The following TNIK variants were observed in gnomAD, a reference collection of about 807,000 sequenced individuals.
TNIK encodes TRAF2 and NCK-interacting protein kinase.
A neutral mutation model predicts 191.3 loss-of-function variants in TNIK; 49 were observed. That is an observed-to-expected ratio of 0.26 (90% CI 0.20 to 0.32). The LOEUF (loss-of-function observed/expected upper bound fraction) is 0.32, where lower values mean the gene tolerates loss of function less well. Ranked by LOEUF, TNIK falls within the 10% of genes least tolerant of loss-of-function variation. TNIK has a pLI of 1.00. For missense variants in TNIK, 1,155 were observed against 1,702.3 expected, an observed-to-expected ratio of 0.68 and a Z score of 5.66; for synonymous variants, 594 against 600.9, an observed-to-expected ratio of 0.99 and a Z score of 0.17.
intron 7 of TNIK, among the ~76,000 whole-genome samples, chr3:171,183,714 A>G (rs921513783): frequency 1.3e-5 from 2 of 152,144 alleles, no homozygotes; most frequent in Admixed American, 6.5e-5. Flanking sequence ...CGAGGTCAGG[A>G]GATCAAGACC....
At chr3:171,188,329 C>A (rs1043893103) in intron 7 of TNIK, among the ~76,000 whole-genome samples, 2 of 152,110 alleles carry the variant, frequency 1.3e-5, no homozygotes, top group Admixed American at 6.5e-5. Flanking sequence ...TGACCCAAGA[C>A]AACAAACTCA....
At position 171,063,699 on chromosome 3, in the gene TNIK, C is replaced by T. The variant is rs897788373; in HGVS notation, c.*182G>A. 3.8e-6 allele frequency: 2 copies of T among 531,974 alleles called. No homozygotes were observed. The highest frequency in any genetic ancestry group is 3.9e-5 in the African/African-American group (2 of 50,638). The allele number at this position is 531,974 out of a possible 1,614,324, so 33.0% of individuals were successfully genotyped here. A position where few individuals can be genotyped will look rare whatever the true frequency, so the allele number is the denominator to read the frequency against. ...TCCTGCCACCTTTTTCTCTCCTTCT[C>T]AACCAGGCTGCAACATTGAAAGATG... On this transcript the variant is annotated 3_prime_UTR_variant, in exon 33 of 33. Coordinates refer to ENST00000436636, the MANE Select transcript of TNIK (RefSeq NM_015028.4).
At chr3:171,245,103 A>G (rs545481971) in intron 2 of TNIK, among the ~76,000 whole-genome samples, 14 of 152,330 alleles carry the variant, frequency 9.2e-5, no homozygotes, top group African/African-American at 3.4e-4. Flanking sequence ...GACTGAATAA[A>G]GGATGCAGTA....
intron 21 of TNIK, chr3:171,106,703 GC>G (rs771851854): frequency 2.1e-5 from 11 of 534,180 alleles, no homozygotes; most frequent in Middle Eastern, 3.2e-4. Flanking sequence ...ATTAACTAAA[GC>G]TGATGTTGCT....
intron 18 of TNIK, among the ~76,000 whole-genome samples, chr3:171,120,010 T>C (rs962613503): frequency 5.9e-5 from 9 of 151,828 alleles, no homozygotes; most frequent in Non-Finnish European, 7.4e-5. Context: ...AGTGGAAGAG[T>C]GACATAATAG....
At chr3:171,336,940 T>C (rs1259431780) in intron 2 of TNIK, among the ~76,000 whole-genome samples, 2 of 152,142 alleles carry the variant, frequency 1.3e-5, no homozygotes, top group Non-Finnish European at 2.9e-5. Flanking sequence ...GGAATCCTAG[T>C]GGGGATGAGA....
chr3:171,068,944 T>C lies in TNIK; in HGVS notation c.3603A>G (p.Glu1201=), dbSNP rs376014834. The C allele has an allele frequency of 1.4e-5, 22 of 1,613,862 alleles. No individual in the cohort carries two copies. The highest frequency in any genetic ancestry group is 1.7e-4 in the Middle Eastern group (1 of 6,060). The part of the protein sequence containing the change: ...KPLLVDLTVE[E]GQRLKVIFGS... Reference sequence around the variant, plus strand: ...CAAAAATAACCTTTAATCTTTGACCTTCTTCTACCGTGAGATCAACTAGCA... The same window carrying C: ...CAAAAATAACCTTTAATCTTTGACCCTCTTCTACCGTGAGATCAACTAGCA... The change falls in exon 30 of 33, where the codon GAA becomes GAG. Residue 1201 remains glutamate (E), a synonymous_variant. Transcript: ENST00000436636.
At chr3:171,200,508 G>A (rs540861786) in intron 4 of TNIK, among the ~76,000 whole-genome samples, 3 of 151,916 alleles carry the variant, frequency 2.0e-5, no homozygotes, top group Admixed American at 2.0e-4. Context: ...CATGTTTCTC[G>A]TAGGATGTTT....
intron 4 of TNIK, among the ~76,000 whole-genome samples, chr3:171,199,430 T>C (rs1242644484): frequency 6.6e-6 from 1 of 152,206 alleles, no homozygotes; most frequent in East Asian, 1.9e-4. Context: ...AAATTCTCCC[T>C]GAAAGAAAGT....
intron 3 of TNIK, among the ~76,000 whole-genome samples, chr3:171,218,434 CAT>C (rs1560277303): frequency 1.3e-5 from 2 of 151,954 alleles, no homozygotes. Context: ...TAATGTCACT[CAT>C]GTGGCTAAAG....
rs1734717482 is a variant in TNIK at position 171,167,129 on chromosome 3, A to G, written c.915T>C (p.His305=). Residue 305 remains histidine, a synonymous_variant, in exon 10 of 33, where the codon CAT becomes CAC. Coordinates refer to ENST00000436636, the MANE Select transcript of TNIK (RefSeq NM_015028.4). ...ERQVRIQLKD[H]IDRTKKKRGE... The stretch of plus-strand genomic sequence containing the variant: ...CTCGCTTCTTCTTTGTTCTATCAAT[A>G]TGGTCCTTGAGTTGAATGCGGACCT... 1.2e-6 allele frequency: 2 copies of G among 1,613,622 alleles called. No homozygotes were observed. The highest frequency in any genetic ancestry group is 1.7e-6 in the Non-Finnish European group (2 of 1,179,740).
chr3:171,199,782 T>G (rs955370336), intron 4 of TNIK, among the ~76,000 whole-genome samples: 5 of 152,224 alleles, frequency 3.3e-5, no homozygotes, highest in African/African-American at 1.2e-4. Context: ...AGGTTTGATG[T>G]GAACATTAAT....
chr3:171,356,303 A>G (rs1302398394), intron 2 of TNIK, among the ~76,000 whole-genome samples: 3 of 152,130 alleles, frequency 2.0e-5, no homozygotes, highest in South Asian at 4.1e-4. Flanking sequence ...ACACAGATGT[A>G]TTTTATATTG....
At chr3:171,165,222 G>A (rs976310770) in intron 10 of TNIK, among the ~76,000 whole-genome samples, 4 of 151,932 alleles carry the variant, frequency 2.6e-5, no homozygotes, top group Admixed American at 2.0e-4. Context: ...ACTTGAGCCC[G>A]GGAGATAGAG....
chr3:171,377,470 G>A (rs192903667), intron 1 of TNIK, among the ~76,000 whole-genome samples: 3 of 152,250 alleles, frequency 2.0e-5, no homozygotes, highest in Admixed American at 6.5e-5. Flanking sequence ...ATCACTCCTC[G>A]GATTAATCAC....
Position 171,059,866 on chromosome 3 carries a change from G to C in TNIK, c.*4015C>G, listed in dbSNP as rs902820011. Among the ~76,000 whole-genome samples, 1 of 152,180 alleles carries C rather than the reference G, an allele frequency of 6.6e-6. No individual in the cohort carries two copies. Among genetic ancestry groups the C allele is most frequent in the African/African-American group, 2.4e-5 (1 of 41,438 alleles). On this transcript the variant is annotated 3_prime_UTR_variant, in exon 33 of 33. Transcript: ENST00000436636. The stretch of plus-strand genomic sequence containing the variant: ...GAATGAACTAAAAGGTAACTAACAA[G>C]TTAGAGACTGTTGAAATGATCAGAA...
intron 2 of TNIK, among the ~76,000 whole-genome samples, chr3:171,333,759 T>G (rs1756662135): frequency 6.6e-6 from 1 of 152,290 alleles, no homozygotes; most frequent in Non-Finnish European, 1.5e-5. Context: ...TACAAGGTCT[T>G]TCAAAGATTT....
intron 2 of TNIK, among the ~76,000 whole-genome samples, chr3:171,364,764 G>C (rs185537258): frequency 1.3e-5 from 2 of 152,170 alleles, no homozygotes; most frequent in Admixed American, 1.3e-4. Flanking sequence ...AATAGACACA[G>C]GGATGAAAAG....
chr3:171,281,769 G>A (rs1750454992), intron 2 of TNIK, among the ~76,000 whole-genome samples: 1 of 152,176 alleles, frequency 6.6e-6, no homozygotes, highest in African/African-American at 2.4e-5. Flanking sequence ...TGCTACCCTT[G>A]TAGAGTACAA....
Sources: gnomAD v4.1 joint callset for allele counts (sites outside exome capture counted in the v4.1 genomes callset) on GRCh38, gnomAD v4.1.1 for gene constraint, MANE v1.5 for transcripts, NCBI Gene and HGNC (gene_info 2026-07-23, HGNC 2026-07-21) for gene names.